Variants in PSMC5 observed in about 807,000 individuals in gnomAD.
PSMC5 encodes the protein 26S proteasome regulatory subunit 8.
In PSMC5, 11 loss-of-function variants were observed where a neutral mutation model predicts 49.1. The observed-to-expected ratio is 0.22, with a 90% confidence interval of 0.14 to 0.37. The LOEUF (loss-of-function observed/expected upper bound fraction) is 0.37. Ranked by LOEUF, PSMC5 falls within the 10% of genes least tolerant of loss-of-function variation. The pLI is 1.00. For missense variants in PSMC5, 229 were observed against 520.9 expected (o/e 0.44, Z 5.45); for synonymous variants, 206 against 192.2 (o/e 1.07, Z -0.59).
rs2040193413 is a variant in PSMC5 at position 63,831,872 on chromosome 17, G to C, written c.1168-44G>C. On this transcript the variant is annotated intron_variant, in intron 11 of 11. Coordinates refer to ENST00000310144, the MANE Select transcript of PSMC5 (RefSeq NM_002805.6). This position sits in a 1 kb window ranked among gnomAD's most constrained non-coding sequence, Gnocchi z 6.3. ...GCTCTGGGGCAGTGGGCTAGGGCAT[G>C]TGTGTGTTCGTAACTTAATGTTCAT... is the stretch of plus-strand genomic sequence containing the variant. 1 of 1,612,478 alleles carries C rather than the reference G, an allele frequency of 6.2e-7. No individual in the cohort carries two copies. Among genetic ancestry groups the C allele is most frequent in the African/African-American group, 1.3e-5 (1 of 74,970 alleles).
At chr17:63,827,581 G>A in intron 1 of PSMC5, 67 bp downstream of exon 1, 1 of 1,551,230 alleles carries the variant, frequency 6.4e-7, no homozygotes. Flanking sequence ...TGATCTGAGT[G>A]GAGAGCGGGC....
Position 63,830,065 on chromosome 17 carries a change from A to C in PSMC5, c.265-68A>C, listed in dbSNP as rs1416540623. ...TGTCAAGGTATTGTGGGATTCTCAT[A>C]GGTCTTCCTGGGTAGGATTAGTGAT... is the stretch of plus-strand genomic sequence containing the variant. On this transcript the variant is annotated intron_variant, in intron 4 of 11. Transcript: ENST00000310144. This position sits in a 1 kb window ranked among gnomAD's most constrained non-coding sequence, Gnocchi z 4.0. 8.2e-6 allele frequency: 13 copies of C among 1,583,610 alleles called. No homozygotes were observed. Among genetic ancestry groups the C allele is most frequent in the African/African-American group, 1.3e-5 (1 of 74,172 alleles).
Position 63,830,444 on chromosome 17 carries a change from C to T in PSMC5, c.495C>T (p.Ile165=), listed in dbSNP as rs753804276. ...AGATCAAGGAGATCAAAGAAGTGAT[C>T]GAGCTGCCTGTTAAGCATCCTGAGC... is the stretch of plus-strand genomic sequence containing the variant. ...DKQIKEIKEV[I]ELPVKHPELF... The change falls in exon 6 of 12, where the codon ATC becomes ATT. Residue 165 remains isoleucine (I), a synonymous_variant. Transcript: ENST00000310144. This position sits in a 1 kb window ranked among gnomAD's most constrained non-coding sequence, Gnocchi z 4.0. 4.3e-6 allele frequency: 7 copies of T among 1,614,044 alleles called. No individual in the cohort carries two copies. The highest frequency in any genetic ancestry group is 1.7e-5 in the Admixed American group (1 of 60,008).
rs1385716636 is a variant in PSMC5, at chr17:63,831,709, C to T, written c.1081-15C>T. 1.2e-5 allele frequency: 19 copies of T among 1,614,052 alleles called. No homozygotes were observed. The African/African-American group carries it at 2.0e-4, about 17-fold the overall frequency. On this transcript the variant is annotated splice_polypyrimidine_tract_variant and intron_variant, in intron 10 of 11. Coordinates refer to ENST00000310144, the MANE Select transcript of PSMC5 (RefSeq NM_002805.6). This position sits in a 1 kb window ranked among gnomAD's most constrained non-coding sequence, Gnocchi z 6.3. ...GGGCACAGCAGTGGGGCCTCAATTT[C>T]CTTTTCCTGTTCAGGGCGTGTGCAC...
intron 2 of PSMC5, 129 bp downstream of exon 2, chr17:63,828,338 C>A: frequency 1.1e-6 from 1 of 879,150 alleles, no homozygotes; most frequent in Non-Finnish European, 1.8e-6. Flanking sequence ...TTGTTTGTTT[C>A]TTAGCTAGTA....
intron 2 of PSMC5, chr17:63,828,431 C>T (rs2040139610): frequency 2.2e-6 from 1 of 453,688 alleles, no homozygotes; most frequent in Non-Finnish European, 3.9e-6. Context: ...CAGTTTGTTA[C>T]ACATCTTCGA....
At chr17:63,827,966 G>T in intron 1 of PSMC5, 172 bp from the exon 2 acceptor site, 1 of 1,287,188 alleles carries the variant, frequency 7.8e-7, no homozygotes. Context: ...CTGGGAAAAT[G>T]GAGGGTTCCA....
chr17:63,830,330 G>A lies in PSMC5; in HGVS notation c.381G>A (p.Leu127=), dbSNP rs555557504. The A allele has an allele frequency of 1.9e-5, 31 of 1,614,180 alleles. No individual in the cohort carries two copies. The highest frequency in any genetic ancestry group is 3.3e-5 in the Admixed American group (2 of 60,024). ...ACAGCTACACTCTGCACAAGATCCT[G>A]CCCAACAAGGTAGACCCATTAGTGT... ...RNDSYTLHKI[L]PNKVDPLVSL... The change falls in exon 6 of 12, where the codon CTG becomes CTA. Residue 127 remains leucine, a synonymous_variant. Transcript: ENST00000310144. The surrounding 1 kb of genome is among the most constrained non-coding windows in gnomAD (Gnocchi z 4.0).
chr17:63,830,541 T>A lies in PSMC5; in HGVS notation c.552+40T>A. 2 of 1,605,416 alleles carry A rather than the reference T, an allele frequency of 1.2e-6. No individual in the cohort carries two copies. Among genetic ancestry groups the A allele is most frequent in the Non-Finnish European group, 1.7e-6 (2 of 1,176,518 alleles). On this transcript the variant is annotated intron_variant, in intron 6 of 11. Transcript: ENST00000310144. The surrounding 1 kb of genome is among the most constrained non-coding windows in gnomAD (Gnocchi z 4.0). Reference sequence around the variant, plus strand: ...TTCTCTGAGAGGGCCAAGCTGTACTTACTCCTCCTGCCCCAGCCAGCCCTA... The same window carrying A: ...TTCTCTGAGAGGGCCAAGCTGTACTAACTCCTCCTGCCCCAGCCAGCCCTA...
chr17:63,830,547 T>A lies in PSMC5; in HGVS notation c.552+46T>A. The A allele has an allele frequency of 6.3e-7, 1 of 1,599,920 alleles. No individual in the cohort carries two copies. The highest frequency in any genetic ancestry group is 1.7e-5 in the Admixed American group (1 of 58,056). The stretch of plus-strand genomic sequence containing the variant: ...GAGAGGGCCAAGCTGTACTTACTCC[T>A]CCTGCCCCAGCCAGCCCTACTGCAG... On this transcript the variant is annotated intron_variant, in intron 6 of 11. Coordinates refer to ENST00000310144, the MANE Select transcript of PSMC5 (RefSeq NM_002805.6). The surrounding 1 kb of genome is among the most constrained non-coding windows in gnomAD (Gnocchi z 4.0).
chr17:63,831,138 G>C lies in PSMC5; in HGVS notation c.782G>C (p.Gly261Ala). The C allele has an allele frequency of 6.4e-7, 1 of 1,568,060 alleles. No individual in the cohort carries two copies. The highest frequency in any genetic ancestry group is 1.2e-5 in the South Asian group (1 of 83,004). Reference protein sequence around the residue: ...IDSIGSSRLEGGSGGDSEVQR... With the variant: ...IDSIGSSRLEAGSGGDSEVQR... Reference sequence around the variant, plus strand: ...TCCATCGGCTCCTCGCGGCTGGAGGGGGGTTCTGGAGGGGACAGTGAAGTG... The same window carrying C: ...TCCATCGGCTCCTCGCGGCTGGAGGCGGGTTCTGGAGGGGACAGTGAAGTG... Residue 261 changes from glycine (G) to alanine (A), a missense_variant, in exon 8 of 12, where the codon GGG (glycine) becomes GCG (alanine). Transcript: ENST00000310144. This position sits in a 1 kb window ranked among gnomAD's most constrained non-coding sequence, Gnocchi z 6.3.
At chr17:63,829,427 G>A (rs1159423349) in intron 2 of PSMC5, 67 bp from the exon 3 acceptor site, 1 of 1,462,108 alleles carries the variant, frequency 6.8e-7, no homozygotes, top group South Asian at 1.2e-5. Context: ...GTGAGGTCTT[G>A]GCCAAGATCC....
At chr17:63,828,072 C>T in intron 1 of PSMC5, 66 bp from the exon 2 acceptor site, 2 of 1,570,878 alleles carry the variant, frequency 1.3e-6, no homozygotes, top group East Asian at 2.2e-5. Context: ...ATTCAAAGTG[C>T]CCTGCAAGTG....
At position 63,827,456 on chromosome 17, in the gene PSMC5, G is replaced by T; in HGVS notation, c.-35G>T. 1 of 1,551,750 alleles carries T rather than the reference G, an allele frequency of 6.4e-7. No homozygotes were observed. The highest frequency in any genetic ancestry group is 8.7e-7 in the Non-Finnish European group (1 of 1,147,010). ...GCTTCCGCGCTTGCGCGCCAAGACGGCTCGGATGCCGGCGGTCTCTGCTGA... is the reference window on the plus strand; with the variant it reads ...GCTTCCGCGCTTGCGCGCCAAGACGTCTCGGATGCCGGCGGTCTCTGCTGA... On this transcript the variant is annotated 5_prime_UTR_variant, in exon 1 of 12. Transcript: ENST00000310144.
Position 63,831,862 on chromosome 17 carries a change from G to A in PSMC5, c.1167+52G>A, listed in dbSNP as rs73995504. On this transcript the variant is annotated intron_variant, in intron 11 of 11. Transcript: ENST00000310144. This position sits in a 1 kb window ranked among gnomAD's most constrained non-coding sequence, Gnocchi z 6.3. The stretch of plus-strand genomic sequence containing the variant: ...GCCAGTGGTGGCTCTGGGGCAGTGG[G>A]CTAGGGCATGTGTGTGTTCGTAACT... 6.5e-3 allele frequency: 10,478 copies of A among 1,612,584 alleles called. 583 individuals carry two copies. The African/African-American group carries it at 0.12, about 19-fold the overall frequency.
At position 63,830,684 on chromosome 17, in the gene PSMC5, C is replaced by A. The variant is rs2040172481; in HGVS notation, c.553-125C>A. 1 of 1,394,962 alleles carries A rather than the reference C, an allele frequency of 7.2e-7. No individual in the cohort carries two copies. The highest frequency in any genetic ancestry group is 9.3e-7 in the Non-Finnish European group (1 of 1,069,868). 86.4% of individuals were successfully genotyped at this position (1,394,962 alleles called of 1,614,324 possible). The stretch of plus-strand genomic sequence containing the variant: ...GGTGAGGTGGTTTGGATAGAAGGGA[C>A]CTTGATGTTCCTTTTTTTTTTTTGT... On this transcript the variant is annotated intron_variant, in intron 6 of 11. Transcript: ENST00000310144. This position sits in a 1 kb window ranked among gnomAD's most constrained non-coding sequence, Gnocchi z 4.0.
intron 2 of PSMC5, 70 bp downstream of exon 2, chr17:63,828,279 A>G: frequency 4.0e-6 from 6 of 1,492,910 alleles, no homozygotes; most frequent in East Asian, 2.3e-5. Context: ...CCACAAATCC[A>G]TCTAATTCCT....
At chr17:63,828,004 C>A in intron 1 of PSMC5, 134 bp from the exon 2 acceptor site, 1 of 1,303,968 alleles carries the variant, frequency 7.7e-7, no homozygotes, top group Non-Finnish European at 1.1e-6. Flanking sequence ...AACCCAGATC[C>A]TGAGCCTCCG....
Position 63,829,734 on chromosome 17 carries a change from G to A in PSMC5, c.167-118G>A, listed in dbSNP as rs150951991. The A allele has an allele frequency of 9.0e-5, 115 of 1,284,904 alleles. No homozygotes were observed. In the African/African-American group the frequency reaches 9.9e-4, roughly 11 times the overall value. 79.6% of individuals were successfully genotyped at this position (1,284,904 alleles called of 1,614,324 possible). On this transcript the variant is annotated intron_variant, in intron 3 of 11. Transcript: ENST00000310144. ...CCTATTGTAGCCTCCTTAAATACAT[G>A]AATTTTGACCTTTGGCCTTCCTTTA...
Sources: allele counts gnomAD v4.1 joint callset, GRCh38; gene constraint gnomAD v4.1.1; non-coding constraint Gnocchi (gnomAD v3.1); transcripts MANE v1.5; gene names NCBI Gene and HGNC (gene_info 2026-07-23, HGNC 2026-07-21).